The following DOCK10 variants were observed in gnomAD, a reference collection of about 807,000 sequenced individuals.
DOCK10 encodes the protein dedicator of cytokinesis protein 10.
Under a neutral mutation model 280.1 loss-of-function variants are expected in DOCK10, and 145 were observed. The ratio of observed to expected loss-of-function variants is 0.52; its 90% CI spans 0.45 to 0.59. The LOEUF (loss-of-function observed/expected upper bound fraction) is 0.59, where lower values mean the gene tolerates loss of function less well. Among genes scored for constraint, DOCK10 ranks in the 20% least tolerant of loss-of-function variants. DOCK10 has a pLI of 0.00. For missense variants in DOCK10, 2,368 were observed against 2,651.7 expected (o/e 0.89, Z 2.35); for synonymous variants, 915 against 942.2 (o/e 0.97, Z 0.53).
At chr2:224,891,769 A>C (rs1699670579) in intron 4 of DOCK10, among the ~76,000 whole-genome samples, 1 of 152,208 alleles carries the variant, frequency 6.6e-6, no homozygotes, top group Admixed American at 6.5e-5. Flanking sequence ...AAAATTATGC[A>C]GACCAGAGAC....
intron 1 of DOCK10, among the ~76,000 whole-genome samples, chr2:225,025,285 G>A (rs77788577): frequency 0.017 from 2,585 of 152,218 alleles, 55 homozygotes; most frequent in African/African-American, 0.057. Flanking sequence ...TTGCATAAGG[G>A]GTACTTGAAG....
intron 2 of DOCK10, among the ~76,000 whole-genome samples, chr2:224,928,012 G>C (rs1026180432): frequency 2.0e-4 from 31 of 152,134 alleles, no homozygotes; most frequent in Admixed American, 2.0e-3. Context: ...TGACTCCGTG[G>C]AGATTGACTC....
intron 42 of DOCK10, 78 bp from the exon 43 acceptor site, chr2:224,797,224 C>G: frequency 8.6e-7 from 1 of 1,157,954 alleles, no homozygotes; most frequent in South Asian, 2.5e-5. Context: ...TTAAAATTCC[C>G]TAAAACAAAA....
At chr2:224,974,196 A>G (rs1705266732) in intron 1 of DOCK10, among the ~76,000 whole-genome samples, 1 of 152,194 alleles carries the variant, frequency 6.6e-6, no homozygotes, top group Non-Finnish European at 1.5e-5. Flanking sequence ...GCAAGGTGCA[A>G]TTGTCTCAGT....
intron 52 of DOCK10, among the ~76,000 whole-genome samples, 189 bp from the exon 53 acceptor site, chr2:224,773,536 C>T (rs1183511405): frequency 1.3e-5 from 2 of 152,140 alleles, no homozygotes; most frequent in African/African-American, 4.8e-5. Context: ...AGCTTGTGCC[C>T]AAGCTCCTTT....
At chr2:224,819,553 T>C in intron 28 of DOCK10, 24 bp from the exon 29 acceptor site, 1 of 1,462,296 alleles carries the variant, frequency 6.8e-7, no homozygotes, top group South Asian at 1.2e-5. Flanking sequence ...AATTCTAAAT[T>C]TAAACACTTT....
In DOCK10 at chr2:225,018,618, ATAT is replaced by A. The variant is rs1389464121; in HGVS notation, c.123+23631_123+23633del. On this transcript the variant is annotated intron_variant, in intron 1 of 55. Coordinates refer to ENST00000258390, the MANE Select transcript of DOCK10 (RefSeq NM_014689.3). ...ATTATATATATATAATATATATGTAATATTATATATATAATATATATGTAATAT... is the reference window on the plus strand; with the variant it reads ...ATTATATATATATAATATATATGTAATATATATATAATATATATGTAATAT... Among the ~76,000 whole-genome samples, 8 of 11,442 alleles carry A rather than the reference ATAT, an allele frequency of 7.0e-4. 4 individuals are homozygous for A. Among genetic ancestry groups the A allele is most frequent in the Non-Finnish European group, 2.0e-3 (8 of 3,922 alleles). The allele number at this position is 11,442 out of a possible 152,430, so 7.5% of individuals were successfully genotyped here.
intron 1 of DOCK10, among the ~76,000 whole-genome samples, chr2:224,972,246 A>C (rs577463979): frequency 1.3e-5 from 2 of 152,374 alleles, no homozygotes; most frequent in South Asian, 2.1e-4. Flanking sequence ...CCAATTATTC[A>C]TAAAGCAGAA....
chr2:224,856,943 G>A lies in DOCK10; in HGVS notation c.1725C>T (p.Asp575=), dbSNP rs765274640. The A allele has an allele frequency of 5.0e-6, 8 of 1,612,058 alleles. No individual in the cohort carries two copies. Among genetic ancestry groups the A allele is most frequent in the Non-Finnish European group, 3.4e-6 (4 of 1,178,796 alleles). The change falls in exon 15 of 56, where the codon GAC becomes GAT. Residue 575 remains aspartate (D), a synonymous_variant. Transcript: ENST00000258390. ...GTCTAAACAATGGTGAAAATCTTGAGTCTCTGTCCACATTTCCCTGGTTGT... is the reference window on the plus strand; with the variant it reads ...GTCTAAACAATGGTGAAAATCTTGAATCTCTGTCCACATTTCCCTGGTTGT... The part of the protein sequence containing the change: ...FKDNQGNVDR[D]SRFSPLFRQE...
chr2:224,986,257 A>G (rs1242997940), intron 1 of DOCK10, among the ~76,000 whole-genome samples: 2 of 152,190 alleles, frequency 1.3e-5, no homozygotes, highest in Non-Finnish European at 2.9e-5. Context: ...TTGAGAAATA[A>G]AAAATTGAGA....
chr2:225,021,378 A>T (rs1689780386), intron 1 of DOCK10, among the ~76,000 whole-genome samples: 1 of 152,182 alleles, frequency 6.6e-6, no homozygotes, highest in Non-Finnish European at 1.5e-5. Flanking sequence ...AGCCCAGTCT[A>T]TGGTTCTACC....
chr2:224,772,673 A>G (rs370345859), intron 53 of DOCK10, among the ~76,000 whole-genome samples: 1 of 152,124 alleles, frequency 6.6e-6, no homozygotes, highest in East Asian at 1.9e-4. Flanking sequence ...GGAACAGTTT[A>G]TTTACTCTAT....
At chr2:224,816,316 G>A (rs1305752479) in intron 30 of DOCK10, among the ~76,000 whole-genome samples, 2 of 151,322 alleles carry the variant, frequency 1.3e-5, no homozygotes, top group African/African-American at 4.8e-5. Flanking sequence ...CCCGTAAAGT[G>A]CCTCTAGGTT....
At chr2:224,986,663 G>A (rs1332134814) in intron 1 of DOCK10, among the ~76,000 whole-genome samples, 7 of 152,208 alleles carry the variant, frequency 4.6e-5, no homozygotes, top group South Asian at 2.1e-4. Flanking sequence ...AAGGCCATAT[G>A]AAGCCACAGT....
At chr2:225,031,969 T>C (rs1690090687) in intron 1 of DOCK10, among the ~76,000 whole-genome samples, 1 of 152,282 alleles carries the variant, frequency 6.6e-6, no homozygotes, top group Non-Finnish European at 1.5e-5. Flanking sequence ...TTCATTGCAT[T>C]CTTAAATAAC....
At chr2:224,915,833 C>A (rs78102094) in intron 3 of DOCK10, among the ~76,000 whole-genome samples, 8,253 of 152,280 alleles carry the variant, frequency 0.054, 275 homozygotes, top group Non-Finnish European at 0.068. Flanking sequence ...CTAAAGCTGC[C>A]TGGAGTCTGG....
At chr2:224,849,170 T>TTCCC (rs1268100567) in intron 19 of DOCK10, among the ~76,000 whole-genome samples, 1 of 152,062 alleles carries the variant, frequency 6.6e-6, no homozygotes, top group Non-Finnish European at 1.5e-5. Flanking sequence ...GAGACGGGGT[T>TTCCC]TCACCATGTT....
intron 1 of DOCK10, among the ~76,000 whole-genome samples, chr2:224,996,109 C>T (rs1414246961): frequency 6.6e-6 from 1 of 152,188 alleles, no homozygotes; most frequent in Non-Finnish European, 1.5e-5. Context: ...GTCTCCTACC[C>T]ACTCAAGCAA....
intron 1 of DOCK10, among the ~76,000 whole-genome samples, chr2:225,004,433 C>G (rs1162193943): frequency 2.0e-5 from 3 of 152,188 alleles, no homozygotes; most frequent in Admixed American, 2.0e-4. Context: ...GCCCTGCTGA[C>G]TTGATTTTGG....
Sources: gnomAD v4.1 joint callset for allele counts (sites outside exome capture counted in the v4.1 genomes callset) on GRCh38, gnomAD v4.1.1 for gene constraint, MANE v1.5 for transcripts, NCBI Gene and HGNC (gene_info 2026-07-23, HGNC 2026-07-21) for gene names.